Variants in CMSS1 observed in about 807,000 individuals in gnomAD.
CMSS1 encodes the protein protein CMSS1.
A neutral mutation model predicts 43.5 loss-of-function variants in CMSS1; 33 were observed. That is an observed-to-expected ratio of 0.76 (90% CI 0.57 to 1.01). CMSS1 has a LOEUF of 1.01. Among genes scored for constraint, CMSS1 ranks in the 50% least tolerant of loss-of-function variants. The pLI, the probability that CMSS1 is intolerant of heterozygous loss-of-function variation, is 0.00. For synonymous variants in CMSS1, 115 were observed against 117.2 expected (o/e 0.98, Z 0.12); for missense variants, 313 against 326.4 (o/e 0.96, Z 0.32).
chr3:100,166,501 A>G (rs2107529163), intron 5 of CMSS1, 107 bp downstream of exon 5: 1 of 698,742 alleles, frequency 1.4e-6, no homozygotes. Flanking sequence ...TTAGGCCATT[A>G]TTGCTCTAGG....
At chr3:99,950,130 T>G (rs1708132273) in intron 1 of CMSS1, among the ~76,000 whole-genome samples, 1 of 152,214 alleles carries the variant, frequency 6.6e-6, no homozygotes, top group Non-Finnish European at 1.5e-5. Flanking sequence ...AGGTAAAGTT[T>G]ATAAAGCACA....
rs144903521 is a variant in CMSS1 at position 100,168,996 on chromosome 3, A to T, written c.518+1156A>T. On this transcript the variant is annotated intron_variant, in intron 6 of 9. Coordinates refer to ENST00000421999, the MANE Select transcript of CMSS1 (RefSeq NM_032359.4). ...TGGCACATGCATGACAGATCAGATGAGTGGAACAGAATTGAAAGTTCAGGA... is the reference window on the plus strand; with the variant it reads ...TGGCACATGCATGACAGATCAGATGTGTGGAACAGAATTGAAAGTTCAGGA... Among the ~76,000 whole-genome samples, 44 of 152,192 alleles carry T rather than the reference A, an allele frequency of 2.9e-4. 1 individual carries two copies. The East Asian group carries it at 8.3e-3, about 29-fold the overall frequency.
intron 1 of CMSS1, among the ~76,000 whole-genome samples, chr3:100,112,059 T>C (rs907835871): frequency 3.3e-5 from 5 of 152,138 alleles, no homozygotes; most frequent in Admixed American, 3.3e-4. Flanking sequence ...TCTAAAATAG[T>C]TGATGAATGA....
At chr3:99,964,069 T>A (rs1410660402) in intron 1 of CMSS1, among the ~76,000 whole-genome samples, 2 of 152,058 alleles carry the variant, frequency 1.3e-5, no homozygotes, top group Non-Finnish European at 2.9e-5. Context: ...TAATAATTGT[T>A]ATGTGATTAA....
At chr3:99,915,874 T>C (rs1706935078) in intron 1 of CMSS1, among the ~76,000 whole-genome samples, 1 of 152,230 alleles carries the variant, frequency 6.6e-6, no homozygotes, top group South Asian at 2.1e-4. Context: ...AAAACTCTTA[T>C]TAATTGTCAC....
chr3:100,145,519 G>A (rs1386068698), intron 1 of CMSS1, among the ~76,000 whole-genome samples: 3 of 152,098 alleles, frequency 2.0e-5, no homozygotes, highest in Non-Finnish European at 4.4e-5. Flanking sequence ...TATAAGGAAC[G>A]AGATTTACTC....
intron 1 of CMSS1, among the ~76,000 whole-genome samples, chr3:99,860,327 A>G (rs1488883786): frequency 2.0e-5 from 3 of 152,200 alleles, no homozygotes; most frequent in Admixed American, 6.5e-5. Context: ...GGTCAGGAGA[A>G]GTGAAATAAG....
intron 4 of CMSS1, among the ~76,000 whole-genome samples, chr3:100,165,428 A>T (rs2067058001): frequency 6.6e-6 from 1 of 151,742 alleles, no homozygotes; most frequent in Non-Finnish European, 1.5e-5. Context: ...AGGAATTTTT[A>T]AAAATATATA....
At chr3:100,151,595 A>T (rs1433403770) in intron 2 of CMSS1, among the ~76,000 whole-genome samples, 1 of 152,198 alleles carries the variant, frequency 6.6e-6, no homozygotes, top group African/African-American at 2.4e-5. Context: ...TTTATAGTTT[A>T]TTCTCAGAGT....
chr3:99,883,999 T>TTA (rs1705814505), intron 1 of CMSS1, among the ~76,000 whole-genome samples: 1 of 152,094 alleles, frequency 6.6e-6, no homozygotes, highest in Admixed American at 6.5e-5. Context: ...TAACAGAGAG[T>TTA]TACAGAACTT....
chr3:100,085,878 A>G (rs1435841613), intron 1 of CMSS1, among the ~76,000 whole-genome samples: 2 of 152,208 alleles, frequency 1.3e-5, no homozygotes. Flanking sequence ...ATGAAGAGTA[A>G]TATACTCCCA....
intron 1 of CMSS1, among the ~76,000 whole-genome samples, chr3:99,820,919 G>A (rs575689514): frequency 6.6e-6 from 1 of 152,308 alleles, no homozygotes; most frequent in East Asian, 1.9e-4. Flanking sequence ...TCCTGTTGTG[G>A]ATTATGCTAC....
At chr3:99,966,711 T>A (rs1181041956) in intron 1 of CMSS1, among the ~76,000 whole-genome samples, 1 of 152,246 alleles carries the variant, frequency 6.6e-6, no homozygotes, top group Non-Finnish European at 1.5e-5. Context: ...ATAGAATCAT[T>A]CTAATAAATG....
At chr3:99,988,353 A>C (rs1228029621) in intron 1 of CMSS1, among the ~76,000 whole-genome samples, 4 of 149,944 alleles carry the variant, frequency 2.7e-5, no homozygotes, top group Admixed American at 6.6e-5. Flanking sequence ...AAAAAAAAAA[A>C]AAAAAAAAAA....
At chr3:100,087,571 G>A (rs1007487751) in intron 1 of CMSS1, among the ~76,000 whole-genome samples, 17 of 151,688 alleles carry the variant, frequency 1.1e-4, no homozygotes, top group Non-Finnish European at 2.1e-4. Context: ...TGCTTTTTTT[G>A]TTTAATTGTT....
intron 1 of CMSS1, among the ~76,000 whole-genome samples, chr3:99,834,857 A>G (rs793477): frequency 0.085 from 12,895 of 152,266 alleles, 741 homozygotes; most frequent in Middle Eastern, 0.19. Flanking sequence ...CACTTTACCC[A>G]TGTAAACCTC....
chr3:100,087,409 T>G (rs2066028775), intron 1 of CMSS1, among the ~76,000 whole-genome samples: 1 of 152,206 alleles, frequency 6.6e-6, no homozygotes, highest in Non-Finnish European at 1.5e-5. Context: ...GACTGGGTTT[T>G]GTTTTCTTTT....
At chr3:99,946,340 TG>T (rs2107682563) in intron 1 of CMSS1, among the ~76,000 whole-genome samples, 1 of 152,338 alleles carries the variant, frequency 6.6e-6, no homozygotes, top group South Asian at 2.1e-4. Flanking sequence ...CAACTATCAA[TG>T]GAGAATTTGG....
At chr3:99,930,669 G>A in intron 1 of CMSS1, 1 of 1,307,176 alleles carries the variant, frequency 7.7e-7, no homozygotes, top group Non-Finnish European at 1.1e-6. Flanking sequence ...GTACACACAT[G>A]TATGAACCAC....
Sources: allele counts gnomAD v4.1 joint callset (sites outside exome capture counted in the v4.1 genomes callset), GRCh38; gene constraint gnomAD v4.1.1; transcripts MANE v1.5; gene names NCBI Gene and HGNC (gene_info 2026-07-23, HGNC 2026-07-21).